Variants in NUMB observed in about 807,000 individuals in gnomAD.
The protein encoded by NUMB is protein numb homolog.
A neutral mutation model predicts 59.7 loss-of-function variants in NUMB; 29 were observed. The ratio of observed to expected loss-of-function variants is 0.49; its 90% CI spans 0.36 to 0.66. NUMB has a LOEUF of 0.66. Among genes scored for constraint, NUMB ranks in the 30% least tolerant of loss-of-function variants. The probability of loss-of-function intolerance (pLI) is 0.00; values close to 1 mark genes in which losing one functional copy is unlikely to be tolerated. For missense variants in NUMB, 723 were observed against 822.0 expected, an observed-to-expected ratio of 0.88 and a Z score of 1.47; for synonymous variants, 288 against 288.2, an observed-to-expected ratio of 1.00 and a Z score of 0.01.
intron 4 of NUMB, among the ~76,000 whole-genome samples, chr14:73,338,706 A>G (rs1181012296): frequency 2.0e-5 from 3 of 152,212 alleles, no homozygotes; most frequent in Non-Finnish European, 4.4e-5. Flanking sequence ...TGTTTAGAAA[A>G]TGTATGCGGG....
At chr14:73,427,202 G>C (rs1897620053) in intron 1 of NUMB, among the ~76,000 whole-genome samples, 1 of 152,042 alleles carries the variant, frequency 6.6e-6, no homozygotes, top group South Asian at 2.1e-4. Context: ...AAAGAGGCCT[G>C]GTGCGGTGGC....
At chr14:73,351,166 A>G (rs1474894568) in intron 4 of NUMB, among the ~76,000 whole-genome samples, 1 of 152,142 alleles carries the variant, frequency 6.6e-6, no homozygotes, top group Non-Finnish European at 1.5e-5. Flanking sequence ...ATCTATAAAT[A>G]CATACATTTT....
At chr14:73,448,393 C>T (rs1200153543) in intron 1 of NUMB, among the ~76,000 whole-genome samples, 3 of 151,942 alleles carry the variant, frequency 2.0e-5, no homozygotes, top group East Asian at 1.9e-4. Context: ...GGTCTTGCTA[C>T]GTTGCCCAGG....
At chr14:73,447,453 G>A (rs956622531) in intron 1 of NUMB, among the ~76,000 whole-genome samples, 12 of 151,980 alleles carry the variant, frequency 7.9e-5, no homozygotes, top group East Asian at 5.8e-4. Context: ...ACGCCATTGC[G>A]CTCCAGCCCA....
chr14:73,388,015 G>A (rs917750762), intron 2 of NUMB, among the ~76,000 whole-genome samples: 2 of 151,114 alleles, frequency 1.3e-5, no homozygotes, highest in African/African-American at 4.9e-5. Flanking sequence ...GCTACTAGAG[G>A]AGGATGACTT....
At chr14:73,313,360 T>C (rs1890885958) in intron 6 of NUMB, among the ~76,000 whole-genome samples, 2 of 151,882 alleles carry the variant, frequency 1.3e-5, no homozygotes, top group Admixed American at 1.3e-4. Flanking sequence ...CAGTAGCATA[T>C]AAATTCAAAG....
chr14:73,351,866 C>T (rs1359902634), intron 4 of NUMB, among the ~76,000 whole-genome samples: 2 of 151,876 alleles, frequency 1.3e-5, no homozygotes, highest in Admixed American at 1.3e-4. Context: ...GACCCAGCTA[C>T]TCGGGAGGCT....
At chr14:73,338,902 AC>A (rs1213966100) in intron 4 of NUMB, among the ~76,000 whole-genome samples, 2 of 152,208 alleles carry the variant, frequency 1.3e-5, no homozygotes, top group Non-Finnish European at 2.9e-5. Context: ...TATTTTTTGC[AC>A]AAATTGCTGT....
At position 73,362,688 on chromosome 14, in the gene NUMB, G is replaced by A. The variant is rs113737559; in HGVS notation, c.-16+4209C>T. On this transcript the variant is annotated intron_variant, in intron 3 of 12. Transcript: ENST00000555238. Reference sequence around the variant, plus strand: ...TTGGGTCAAGTGACCCACATGCCTCGGCCTCCCAAAGTGCTGGGATTACAG... The same window carrying A: ...TTGGGTCAAGTGACCCACATGCCTCAGCCTCCCAAAGTGCTGGGATTACAG... Among the ~76,000 whole-genome samples, 1,438 of 152,044 alleles carry A rather than the reference G, an allele frequency of 9.5e-3. 28 individuals are homozygous for A. The highest frequency in any genetic ancestry group is 0.033 in the African/African-American group (1,354 of 41,454).
In NUMB at chr14:73,385,587, C is replaced by T. The variant is rs1023588229; in HGVS notation, c.-100-18606G>A. ...CATGATCTCAGCTCACGGTAACCTC[C>T]GCCTCCCAGGTTCAAGCGATTCTTG... On this transcript the variant is annotated intron_variant, in intron 2 of 12. Coordinates refer to ENST00000555238, the MANE Select transcript of NUMB (RefSeq NM_001005743.2). 1.1e-4 allele frequency among the ~76,000 whole-genome samples: 17 copies of T among 148,018 alleles called. No homozygotes were observed. In the South Asian group the frequency reaches 2.2e-3, roughly 19 times the overall value.
intron 6 of NUMB, among the ~76,000 whole-genome samples, chr14:73,314,814 G>T (rs555871366): frequency 6.6e-6 from 1 of 151,802 alleles, no homozygotes; most frequent in Non-Finnish European, 1.5e-5. Context: ...TAATTGTGGC[G>T]ATGTGTAATT....
Position 73,385,649 on chromosome 14 carries a change from G to T in NUMB, c.-100-18668C>A, listed in dbSNP as rs1357930865. On this transcript the variant is annotated intron_variant, in intron 2 of 12. Transcript: ENST00000555238. ...CCCGAGTAGCTGGGATTACAGGCAT[G>T]TGCCACCACACCCGGCTAATTTTTG... 2.0e-5 allele frequency among the ~76,000 whole-genome samples: 3 copies of T among 151,804 alleles called. No individual in the cohort carries two copies. In the East Asian group the frequency reaches 5.8e-4, roughly 29 times the overall value.
At chr14:73,289,759 G>T (rs1424589524) in intron 8 of NUMB, among the ~76,000 whole-genome samples, 1 of 152,180 alleles carries the variant, frequency 6.6e-6, no homozygotes, top group Admixed American at 6.5e-5. Flanking sequence ...CTTCCCAGTA[G>T]GATGACATTA....
intron 1 of NUMB, among the ~76,000 whole-genome samples, chr14:73,435,340 C>T (rs191925642): frequency 6.9e-6 from 1 of 144,938 alleles, no homozygotes; most frequent in Non-Finnish European, 1.5e-5. Context: ...GTGGCGCGAT[C>T]TCGACTCACT....
chr14:73,307,215 C>T (rs1040717254), intron 6 of NUMB, among the ~76,000 whole-genome samples: 1 of 151,512 alleles, frequency 6.6e-6, no homozygotes, highest in African/African-American at 2.4e-5. Context: ...AGGCTGAGGC[C>T]AGAGAATGGC....
At chr14:73,378,067 A>G (rs1895057203) in intron 2 of NUMB, among the ~76,000 whole-genome samples, 1 of 152,128 alleles carries the variant, frequency 6.6e-6, no homozygotes, top group African/African-American at 2.4e-5. Context: ...TAACAGTAAG[A>G]AAACTAACAA....
intron 1 of NUMB, among the ~76,000 whole-genome samples, chr14:73,423,606 A>G (rs537939180): frequency 6.6e-6 from 1 of 151,556 alleles, no homozygotes; most frequent in Admixed American, 6.6e-5. Context: ...ACGCCACTGC[A>G]CTCCAGCCTG....
intron 1 of NUMB, among the ~76,000 whole-genome samples, chr14:73,440,227 A>G (rs1458455176): frequency 7.2e-6 from 1 of 138,780 alleles, no homozygotes; most frequent in Non-Finnish European, 1.6e-5. Flanking sequence ...ATATATATAT[A>G]TGGATATCCA....
chr14:73,346,656 G>T (rs1181551743), intron 4 of NUMB, among the ~76,000 whole-genome samples: 1 of 152,050 alleles, frequency 6.6e-6, no homozygotes, highest in African/African-American at 2.4e-5. Context: ...GCTAGTAATG[G>T]CTCATGTTTC....
Sources: gnomAD v4.1 joint callset for allele counts (sites outside exome capture counted in the v4.1 genomes callset) on GRCh38, gnomAD v4.1.1 for gene constraint, MANE v1.5 for transcripts, NCBI Gene and HGNC (gene_info 2026-07-23, HGNC 2026-07-21) for gene names.